Variants in PTPRD observed in about 807,000 individuals in gnomAD.
PTPRD encodes the protein protein tyrosine phosphatase receptor type D.
In PTPRD, 34 loss-of-function variants were observed where a neutral mutation model predicts 214.5. That is an observed-to-expected ratio of 0.16 (90% CI 0.12 to 0.21). The LOEUF (loss-of-function observed/expected upper bound fraction) is 0.21, where lower values mean the gene tolerates loss of function less well. Ranked by LOEUF, PTPRD falls within the 10% of genes least tolerant of loss-of-function variation. The pLI is 1.00. For missense variants in PTPRD, 2,545 were observed against 2,398.7 expected (o/e 1.06, Z -1.27); for synonymous variants, 1,128 against 845.7 (o/e 1.33, Z -5.79).
At chr9:9,806,960 G>A (rs1373161617) in intron 5 of PTPRD, among the ~76,000 whole-genome samples, 1 of 152,134 alleles carries the variant, frequency 6.6e-6, no homozygotes, top group Non-Finnish European at 1.5e-5. Flanking sequence ...TCCAAAGGAA[G>A]AACCTGGGGA....
intron 9 of PTPRD, among the ~76,000 whole-genome samples, chr9:9,238,697 A>C (rs1429311163): frequency 6.6e-6 from 1 of 152,122 alleles, no homozygotes; most frequent in Admixed American, 6.6e-5. Context: ...GCTTCAATAA[A>C]ATGTCCATGC....
Position 8,717,066 on chromosome 9 carries a change from G to A in PTPRD, c.64+16714C>T, listed in dbSNP as rs541053954. Among the ~76,000 whole-genome samples, 3 of 152,272 alleles carry A rather than the reference G, an allele frequency of 2.0e-5. No individual in the cohort carries two copies. In the South Asian group the frequency reaches 6.2e-4, roughly 32 times the overall value. On this transcript the variant is annotated intron_variant, in intron 12 of 45. Coordinates refer to ENST00000381196, the MANE Select transcript of PTPRD (RefSeq NM_002839.4). ...GCCTGTAATCCCAGCTACTGGGGAG[G>A]CTGATGTCCTTGAGCCCAGAAGGCA... is the stretch of plus-strand genomic sequence containing the variant.
chr9:10,459,540 C>A (rs1443623442), intron 2 of PTPRD, among the ~76,000 whole-genome samples: 1 of 152,198 alleles, frequency 6.6e-6, no homozygotes, highest in African/African-American at 2.4e-5. Flanking sequence ...ATTCCTACTT[C>A]TCCACATCCT....
At chr9:9,888,925 C>T (rs12346878) in intron 5 of PTPRD, among the ~76,000 whole-genome samples, 11,158 of 152,130 alleles carry the variant, frequency 0.073, 1,258 homozygotes, top group African/African-American at 0.24. Context: ...CAAACCCTAA[C>T]TGTTTAGAAA....
chr9:9,164,378 T>G (rs551269750), intron 10 of PTPRD, among the ~76,000 whole-genome samples: 53 of 152,300 alleles, frequency 3.5e-4, no homozygotes, highest in African/African-American at 1.3e-3. Flanking sequence ...TCTCTCGTTC[T>G]CTTATAAGGA....
At chr9:8,688,092 C>T (rs567509267) in intron 12 of PTPRD, among the ~76,000 whole-genome samples, 2 of 152,104 alleles carry the variant, frequency 1.3e-5, no homozygotes, top group Non-Finnish European at 2.9e-5. Flanking sequence ...AATAGTCATC[C>T]TAGTCCACTT....
At chr9:9,580,518 C>CTATTCATG (rs2090418857) in intron 7 of PTPRD, among the ~76,000 whole-genome samples, 1 of 144,052 alleles carries the variant, frequency 6.9e-6, no homozygotes, top group Non-Finnish European at 1.5e-5. Context: ...TGAATGGTGT[C>CTATTCATG]TATTCATGTC....
intron 3 of PTPRD, among the ~76,000 whole-genome samples, chr9:10,059,186 G>A (rs2097711605): frequency 6.6e-6 from 1 of 152,042 alleles, no homozygotes; most frequent in Non-Finnish European, 1.5e-5. Context: ...TGCCAGCTGA[G>A]TCTCAAGAGT....
chr9:10,154,580 G>A (rs59965493), intron 3 of PTPRD, among the ~76,000 whole-genome samples: 1 of 151,946 alleles, frequency 6.6e-6, no homozygotes, highest in Non-Finnish European at 1.5e-5. Flanking sequence ...GTCTTCCAGA[G>A]TTTTTATAAT....
chr9:8,623,018 T>C (rs2154302976), intron 14 of PTPRD, among the ~76,000 whole-genome samples: 2 of 151,820 alleles, frequency 1.3e-5, no homozygotes, highest in South Asian at 4.1e-4. Context: ...CTGGGCAAGA[T>C]GACTCATACT....
At chr9:9,382,709 G>A (rs1183156580) in intron 9 of PTPRD, among the ~76,000 whole-genome samples, 1 of 152,048 alleles carries the variant, frequency 6.6e-6, no homozygotes, top group South Asian at 2.1e-4. Context: ...AGGTGGGAAT[G>A]TAAAACAGTA....
At chr9:8,781,404 G>C (rs2095690377) in intron 11 of PTPRD, among the ~76,000 whole-genome samples, 1 of 152,160 alleles carries the variant, frequency 6.6e-6, no homozygotes, top group African/African-American at 2.4e-5. Context: ...AGGAGATAAA[G>C]GTAGTAAGGG....
chr9:10,574,171 T>C (rs2068385543), intron 2 of PTPRD, among the ~76,000 whole-genome samples: 1 of 150,228 alleles, frequency 6.7e-6, no homozygotes, highest in African/African-American at 2.5e-5. Context: ...CTCATTGAAG[T>C]TCACAGGAAG....
rs77552563 is a variant in PTPRD at position 9,132,924 on chromosome 9, T to C, written c.-143+50380A>G. 1.3e-3 allele frequency among the ~76,000 whole-genome samples: 196 copies of C among 152,320 alleles called. 1 individual carries two copies. Among genetic ancestry groups the C allele is most frequent in the African/African-American group, 4.6e-3 (190 of 41,564 alleles). On this transcript the variant is annotated intron_variant, in intron 10 of 45. Transcript: ENST00000381196. ...CTGAGAATAGGGATGGCATATATAATATTAAGTTATATTCATTTGCATATC... is the reference window on the plus strand; with the variant it reads ...CTGAGAATAGGGATGGCATATATAACATTAAGTTATATTCATTTGCATATC...
chr9:9,755,848 T>A (rs2098566449), intron 6 of PTPRD, among the ~76,000 whole-genome samples: 1 of 152,062 alleles, frequency 6.6e-6, no homozygotes, highest in African/African-American at 2.4e-5. Context: ...TAATTACATT[T>A]ACATATTTTA....
intron 11 of PTPRD, among the ~76,000 whole-genome samples, chr9:8,786,560 G>A (rs1209488017): frequency 2.0e-5 from 3 of 151,626 alleles, no homozygotes; most frequent in African/African-American, 4.8e-5. Context: ...GATTACAGGC[G>A]CCCGCCACCA....
intron 11 of PTPRD, among the ~76,000 whole-genome samples, chr9:8,882,384 C>T (rs2154219814): frequency 1.3e-5 from 2 of 152,204 alleles, no homozygotes; most frequent in Middle Eastern, 6.8e-3. Context: ...TTGTTGTAGA[C>T]CACAGTTTTG....
chr9:9,810,758 G>A (rs527721023), intron 5 of PTPRD, among the ~76,000 whole-genome samples: 2 of 152,040 alleles, frequency 1.3e-5, no homozygotes, highest in East Asian at 3.9e-4. Context: ...GAATCAAGTA[G>A]TAATTTTGAC....
At chr9:9,100,238 G>A (rs2099789429) in intron 10 of PTPRD, among the ~76,000 whole-genome samples, 5 of 152,062 alleles carry the variant, frequency 3.3e-5, no homozygotes, top group Admixed American at 3.3e-4. Flanking sequence ...AGATAAATAT[G>A]CCTACCAGCC....
Sources: allele counts gnomAD v4.1 joint callset (sites outside exome capture counted in the v4.1 genomes callset), GRCh38; gene constraint gnomAD v4.1.1; transcripts MANE v1.5; gene names NCBI Gene and HGNC (gene_info 2026-07-23, HGNC 2026-07-21).